Variants in CEMIP2 observed in about 807,000 individuals in gnomAD.
The protein encoded by CEMIP2 is cell surface hyaluronidase CEMIP2.
A neutral mutation model predicts 146.9 loss-of-function variants in CEMIP2; 79 were observed. The ratio of observed to expected loss-of-function variants is 0.54; its 90% CI spans 0.45 to 0.65. The LOEUF (loss-of-function observed/expected upper bound fraction) is 0.65. CEMIP2 is among the 30% of genes least tolerant of loss of function. The pLI is 0.00. For synonymous variants in CEMIP2, 601 were observed against 606.3 expected (o/e 0.99, Z 0.13); for missense variants, 1,596 against 1,696.2 (o/e 0.94, Z 1.04).
intron 12 of CEMIP2, among the ~76,000 whole-genome samples, chr9:71,719,494 C>A (rs940371080): frequency 3.3e-5 from 5 of 152,046 alleles, no homozygotes; most frequent in Non-Finnish European, 5.9e-5. Context: ...GATCAAATTT[C>A]TTTTTTGTTC....
intron 21 of CEMIP2, among the ~76,000 whole-genome samples, chr9:71,693,371 C>G (rs1027196865): frequency 6.6e-6 from 1 of 152,230 alleles, no homozygotes; most frequent in Admixed American, 6.5e-5. Context: ...GCTAACCTTG[C>G]TCTATGCGCA....
intron 21 of CEMIP2, among the ~76,000 whole-genome samples, chr9:71,690,545 G>T (rs1421548399): frequency 6.6e-6 from 1 of 152,148 alleles, no homozygotes; most frequent in Non-Finnish European, 1.5e-5. Context: ...AGTGTTCAAG[G>T]TATTCCTTCT....
chr9:71,746,734 C>T (rs183047918), intron 2 of CEMIP2, among the ~76,000 whole-genome samples: 1 of 152,100 alleles, frequency 6.6e-6, no homozygotes, highest in African/African-American at 2.4e-5. Context: ...TCACAACATC[C>T]TGGTAAATCA....
At chr9:71,730,677 T>C (rs1012710205) in intron 8 of CEMIP2, 28 bp downstream of exon 8, 4 of 1,606,494 alleles carry the variant, frequency 2.5e-6, no homozygotes, top group African/African-American at 2.7e-5. Context: ...TTCAATAATA[T>C]GGGTTGACCT....
At chr9:71,711,798 C>T (rs1487894766) in intron 16 of CEMIP2, among the ~76,000 whole-genome samples, 2 of 152,090 alleles carry the variant, frequency 1.3e-5, no homozygotes, top group African/African-American at 4.8e-5. Flanking sequence ...ATCGTATGTC[C>T]TCTTGTTCCT....
At chr9:71,696,137 T>C (rs187977353) in intron 20 of CEMIP2, among the ~76,000 whole-genome samples, 59 of 152,288 alleles carry the variant, frequency 3.9e-4, no homozygotes, top group African/African-American at 1.3e-3. Flanking sequence ...TTTAACAACA[T>C]AGGCCTAGAA....
chr9:71,701,271 A>ATT (rs1563998492), intron 18 of CEMIP2, among the ~76,000 whole-genome samples: 1 of 151,750 alleles, frequency 6.6e-6, no homozygotes. Flanking sequence ...ATGCACGGCT[A>ATT]ATTTTTGTAC....
chr9:71,711,745 G>T (rs1822911239), intron 16 of CEMIP2, among the ~76,000 whole-genome samples: 1 of 152,190 alleles, frequency 6.6e-6, no homozygotes, highest in Admixed American at 6.5e-5. Context: ...TCTCTTAGTG[G>T]AAATGGGCTA....
chr9:71,709,163 T>C (rs769462026), intron 17 of CEMIP2, 96 bp downstream of exon 17: 7 of 1,142,220 alleles, frequency 6.1e-6, no homozygotes, highest in African/African-American at 1.5e-5. Flanking sequence ...CTTTGGAAAA[T>C]GTCAATCACA....
At chr9:71,729,278 C>CCCACTTCTTTTCCCCCTTTGGCAT (rs1467978091) in intron 10 of CEMIP2, among the ~76,000 whole-genome samples, 2 of 150,952 alleles carry the variant, frequency 1.3e-5, no homozygotes, top group East Asian at 3.9e-4. Flanking sequence ...TAGTGATTAG[C>CCCACTTCTTTTCCCCCTTTGGCAT]CCACTTCTTT....
At chr9:71,716,160 T>C (rs1053443520) in intron 14 of CEMIP2, among the ~76,000 whole-genome samples, 4 of 152,028 alleles carry the variant, frequency 2.6e-5, no homozygotes, top group Non-Finnish European at 5.9e-5. Flanking sequence ...CTTGCTAAAT[T>C]AGAGCAGCTT....
At chr9:71,741,358 C>T (rs1299604915) in intron 4 of CEMIP2, among the ~76,000 whole-genome samples, 2 of 151,640 alleles carry the variant, frequency 1.3e-5, no homozygotes, top group Non-Finnish European at 2.9e-5. Context: ...CCACCACGCC[C>T]GGCCAATTTT....
intron 18 of CEMIP2, among the ~76,000 whole-genome samples, chr9:71,701,688 T>C (rs1822566813): frequency 6.6e-6 from 1 of 152,182 alleles, no homozygotes; most frequent in African/African-American, 2.4e-5. Flanking sequence ...TTGATGCATA[T>C]CACTAAATGG....
At chr9:71,696,892 AAGAG>A (rs1563995976) in intron 20 of CEMIP2, among the ~76,000 whole-genome samples, 1 of 152,078 alleles carries the variant, frequency 6.6e-6, no homozygotes, top group African/African-American at 2.4e-5. Flanking sequence ...TGAAAAAAAA[AAGAG>A]AGAGAAATAT....
In CEMIP2 at chr9:71,716,424, A is replaced by T. The variant is rs190410933; in HGVS notation, c.2435+93T>A. On this transcript the variant is annotated intron_variant, in intron 14 of 23. Coordinates refer to ENST00000377044, the MANE Select transcript of CEMIP2 (RefSeq NM_013390.3). ...TGCTAATTTTTTTTATGTTAAAAAA[A>T]ATAATAAAACATTCCTGTGTATTAT... The T allele has an allele frequency of 2.2e-4, 242 of 1,090,894 alleles. No homozygotes were observed. In the African/African-American group the frequency reaches 3.7e-3, roughly 17 times the overall value. 67.6% of individuals were successfully genotyped at this position (1,090,894 alleles called of 1,614,324 possible). A position where few individuals can be genotyped will look rare whatever the true frequency, so the allele number is the denominator to read the frequency against.
chr9:71,766,808 T>C (rs868087984), intron 1 of CEMIP2, among the ~76,000 whole-genome samples: 6 of 152,342 alleles, frequency 3.9e-5, no homozygotes, highest in Middle Eastern at 3.4e-3. Flanking sequence ...AATCTTAGTT[T>C]TCTGAGCCTT....
At chr9:71,733,438 T>C (rs971129685) in intron 6 of CEMIP2, among the ~76,000 whole-genome samples, 5 of 152,164 alleles carry the variant, frequency 3.3e-5, no homozygotes, top group Non-Finnish European at 7.4e-5. Context: ...GTTTTGGGGT[T>C]TTTTTGTTGG....
At chr9:71,754,535 G>A (rs969482129) in intron 1 of CEMIP2, among the ~76,000 whole-genome samples, 2 of 152,108 alleles carry the variant, frequency 1.3e-5, no homozygotes, top group African/African-American at 4.8e-5. Flanking sequence ...TATGAAGAAG[G>A]AGCATATGAG....
At chr9:71,763,012 C>T (rs1824681945) in intron 1 of CEMIP2, among the ~76,000 whole-genome samples, 1 of 150,000 alleles carries the variant, frequency 6.7e-6, no homozygotes, top group South Asian at 2.1e-4. Flanking sequence ...AGACTCCTGT[C>T]TCAAAAAAAT....
Sources: gnomAD v4.1 joint callset for allele counts (sites outside exome capture counted in the v4.1 genomes callset) on GRCh38, gnomAD v4.1.1 for gene constraint, MANE v1.5 for transcripts, NCBI Gene and HGNC (gene_info 2026-07-23, HGNC 2026-07-21) for gene names.